DOCK8: variants seen among roughly 807,000 people sequenced by gnomAD.
DOCK8 encodes the protein dedicator of cytokinesis 8.
Under a neutral mutation model 245.6 loss-of-function variants are expected in DOCK8, and 141 were observed. The observed-to-expected ratio is 0.57, with a 90% confidence interval of 0.50 to 0.66. The LOEUF is 0.66. Ranked by LOEUF, DOCK8 falls within the 30% of genes least tolerant of loss-of-function variation. The pLI is 0.00. For missense variants in DOCK8, 2,965 were observed against 2,603.4 expected (o/e 1.14, Z -3.02); for synonymous variants, 1,168 against 970.2 (o/e 1.20, Z -3.79).
rs148865749 is a variant in DOCK8 at position 451,007 on chromosome 9, T to G, written c.5962-1004T>G. Among the ~76,000 whole-genome samples, 943 of 152,074 alleles carry G rather than the reference T, an allele frequency of 6.2e-3. 11 individuals are homozygous for G. Among genetic ancestry groups the G allele is most frequent in the African/African-American group, 0.022 (894 of 41,490 alleles). Reference sequence around the variant, plus strand: ...GAATGAAAATCTATTATTAGTAGTATTTGATTGATAAAATAATATTCGGCG... The same window carrying G: ...GAATGAAAATCTATTATTAGTAGTAGTTGATTGATAAAATAATATTCGGCG... On this transcript the variant is annotated intron_variant, in intron 45 of 47. Coordinates refer to ENST00000432829, the MANE Select transcript of DOCK8 (RefSeq NM_203447.4).
chr9:286,698 G>T lies in DOCK8; in HGVS notation c.332+62G>T, dbSNP rs1229507221. The T allele has an allele frequency of 1.2e-5, 18 of 1,520,762 alleles. 1 individual carries two copies. 94.2% of individuals were successfully genotyped at this position (1,520,762 alleles called of 1,614,324 possible). A position where few individuals can be genotyped will look rare whatever the true frequency, so the allele number is the denominator to read the frequency against. ...TGTCATGATTGTTTTCAATAAGTGG[G>T]TAGGGGAGATGCCTTCAATCTGAAC... On this transcript the variant is annotated intron_variant, in intron 3 of 47. Transcript: ENST00000432829.
chr9:282,412 T>TG (rs1364553375), intron 2 of DOCK8, among the ~76,000 whole-genome samples: 5 of 136,156 alleles, frequency 3.7e-5, no homozygotes, highest in East Asian at 2.1e-4. Context: ...TGTTTCGTTT[T>TG]GTTTTTTTTT....
chr9:289,578 G>A lies in DOCK8; in HGVS notation c.401G>A (p.Arg134Gln), dbSNP rs573137471. 6.8e-6 allele frequency: 11 copies of A among 1,609,666 alleles called. 1 individual carries two copies. The highest frequency in any genetic ancestry group is 3.3e-5 in the South Asian group (3 of 89,846). Residue 134 changes from arginine to glutamine, a missense_variant, in exon 4 of 48, where the codon CGG (arginine) becomes CAG (glutamine). By Grantham distance (43) the Arg-to-Gln change is conservative (BLOSUM62 1). Transcript: ENST00000432829. Reference protein sequence around the residue: ...TYIREWLIVNRKNQGSPEICG... With the variant: ...TYIREWLIVNQKNQGSPEICG... ...ATCCGTGAGTGGCTAATCGTGAACC[G>A]GAAGTAAGTTACTTTTTTTCCACTT...
chr9:451,565 G>A (rs1426755893), intron 45 of DOCK8, among the ~76,000 whole-genome samples: 2 of 152,214 alleles, frequency 1.3e-5, no homozygotes, highest in Admixed American at 6.5e-5. Context: ...GGAGGCTGCA[G>A]TGAGCAGAGA....
chr9:352,958 A>G (rs892762679), intron 14 of DOCK8, among the ~76,000 whole-genome samples: 1 of 151,960 alleles, frequency 6.6e-6, no homozygotes, highest in Non-Finnish European at 1.5e-5. Context: ...GAAAAATCTC[A>G]TATGCCTGGC....
intron 18 of DOCK8, among the ~76,000 whole-genome samples, chr9:375,550 G>T (rs1328555080): frequency 6.6e-6 from 1 of 152,180 alleles, no homozygotes; most frequent in Non-Finnish European, 1.5e-5. Context: ...TGGGGAAATT[G>T]CTGGGATCTT....
At chr9:422,869 C>T (rs2056330556) in intron 33 of DOCK8, among the ~76,000 whole-genome samples, 1 of 151,966 alleles carries the variant, frequency 6.6e-6, no homozygotes, top group African/African-American at 2.4e-5. Context: ...CCTGTAATCC[C>T]AGCTACTCAG....
At chr9:379,597 C>T (rs985673278) in intron 20 of DOCK8, among the ~76,000 whole-genome samples, 174 bp from the exon 21 acceptor site, 12 of 152,166 alleles carry the variant, frequency 7.9e-5, no homozygotes, top group Non-Finnish European at 1.5e-5. Context: ...AATGTGGAGG[C>T]ATCTGTGGTA....
chr9:394,878 T>C (rs542610954), intron 24 of DOCK8, among the ~76,000 whole-genome samples: 6 of 152,334 alleles, frequency 3.9e-5, no homozygotes, highest in African/African-American at 1.4e-4. Context: ...GCTGACAGTC[T>C]GGAAAGAGGC....
intron 46 of DOCK8, among the ~76,000 whole-genome samples, chr9:463,215 G>A (rs563013405): frequency 6.6e-6 from 1 of 151,966 alleles, no homozygotes; most frequent in East Asian, 1.9e-4. Context: ...CTGTGATCAT[G>A]CCACTGCACT....
intron 2 of DOCK8, among the ~76,000 whole-genome samples, chr9:274,945 T>C (rs190219906): frequency 2.0e-4 from 30 of 152,352 alleles, no homozygotes; most frequent in African/African-American, 6.5e-4. Flanking sequence ...TTAAAAAGCA[T>C]TTAATTGAAG....
At chr9:267,500 C>A (rs2048063484) in intron 1 of DOCK8, among the ~76,000 whole-genome samples, 1 of 152,182 alleles carries the variant, frequency 6.6e-6, no homozygotes, top group Non-Finnish European at 1.5e-5. Flanking sequence ...GCCACTGTGC[C>A]CAGCCATATG....
intron 6 of DOCK8, among the ~76,000 whole-genome samples, chr9:313,325 A>C (rs1274373577): frequency 6.6e-6 from 1 of 152,176 alleles, no homozygotes; most frequent in Non-Finnish European, 1.5e-5. Flanking sequence ...TAACTCTCTT[A>C]AGTTCTTTAC....
At chr9:440,511 T>C (rs1382958531) in intron 40 of DOCK8, among the ~76,000 whole-genome samples, 1 of 152,234 alleles carries the variant, frequency 6.6e-6, no homozygotes, top group Non-Finnish European at 1.5e-5. Context: ...GTCTTCTCTC[T>C]ATTCTTGCTT....
Position 443,594 on chromosome 9 carries a change from A to G in DOCK8, c.5580+78A>G, listed in dbSNP as rs887886150. The G allele has an allele frequency of 1.4e-5, 16 of 1,149,452 alleles. No individual in the cohort carries two copies. The Admixed American group carries it at 1.8e-4, about 13-fold the overall frequency. The allele number at this position is 1,149,452 out of a possible 1,614,324, so 71.2% of individuals were successfully genotyped here. The stretch of plus-strand genomic sequence containing the variant: ...CTACCCAAGAATACCTAATGATCTC[A>G]TCTATCTGGACTCTCCAAGTCACTT... On this transcript the variant is annotated intron_variant, in intron 43 of 47. Transcript: ENST00000432829.
intron 1 of DOCK8, among the ~76,000 whole-genome samples, chr9:244,046 G>C (rs2047443844): frequency 6.6e-6 from 1 of 151,938 alleles, no homozygotes; most frequent in Admixed American, 6.6e-5. Context: ...AATTTAGCCG[G>C]GCGTGGCGGC....
chr9:401,079 C>CTACCCACCTCCACCACCAT (rs767207158), intron 26 of DOCK8, among the ~76,000 whole-genome samples: 2 of 15,326 alleles, frequency 1.3e-4, no homozygotes, highest in African/African-American at 2.9e-4. Flanking sequence ...ATCATCACCA[C>CTACCCACCTCCACCACCAT]CACCACCTCC....
At chr9:262,423 A>C (rs927103691) in intron 1 of DOCK8, among the ~76,000 whole-genome samples, 5 of 145,566 alleles carry the variant, frequency 3.4e-5, no homozygotes, top group African/African-American at 1.3e-4. Flanking sequence ...AACAACTCAA[A>C]TGTCCATAGA....
intron 1 of DOCK8, among the ~76,000 whole-genome samples, chr9:271,297 A>G (rs1212277383): frequency 6.6e-6 from 1 of 152,228 alleles, no homozygotes; most frequent in Non-Finnish European, 1.5e-5. Context: ...ATCCTCACAT[A>G]GAGAAAACTC....
Sources: gnomAD v4.1 joint callset for allele counts (sites outside exome capture counted in the v4.1 genomes callset) on GRCh38, gnomAD v4.1.1 for gene constraint, MANE v1.5 for transcripts, NCBI Gene and HGNC (gene_info 2026-07-23, HGNC 2026-07-21) for gene names.